CECR2: variants seen among roughly 807,000 people sequenced by gnomAD.
The protein encoded by CECR2 is chromatin remodeling regulator CECR2.
CECR2 carries 30 observed loss-of-function variants against 154.5 expected under a neutral mutation model. The ratio of observed to expected loss-of-function variants is 0.19; its 90% CI spans 0.15 to 0.26. The LOEUF (loss-of-function observed/expected upper bound fraction) is 0.26, where lower values mean the gene tolerates loss of function less well. Among genes scored for constraint, CECR2 ranks in the 10% least tolerant of loss-of-function variants. The probability of loss-of-function intolerance (pLI) is 1.00; values close to 1 mark genes in which losing one functional copy is unlikely to be tolerated. For synonymous variants in CECR2, 725 were observed against 683.7 expected, an observed-to-expected ratio of 1.06 and a Z score of -0.94; for missense variants, 1,743 against 1,829.3, an observed-to-expected ratio of 0.95 and a Z score of 0.86.
intron 1 of CECR2, among the ~76,000 whole-genome samples, chr22:17,472,257 G>A (rs977667207): frequency 2.3e-4 from 35 of 152,180 alleles, no homozygotes; most frequent in African/African-American, 8.4e-4. Context: ...ATTGGCATGG[G>A]GCATGCCTTT....
intron 1 of CECR2, among the ~76,000 whole-genome samples, chr22:17,400,493 G>T (rs1013435542): frequency 2.0e-5 from 3 of 151,998 alleles, no homozygotes; most frequent in African/African-American, 7.3e-5. Context: ...ATCCTTAGGA[G>T]GCTCTTGAGA....
chr22:17,523,294 G>A (rs1751233539), intron 8 of CECR2, among the ~76,000 whole-genome samples: 1 of 151,316 alleles, frequency 6.6e-6, no homozygotes, highest in Non-Finnish European at 1.5e-5. Flanking sequence ...TGAGGCGAGA[G>A]AATCACTTGA....
upstream of CECR2, among the ~76,000 whole-genome samples, chr22:17,365,400 A>T (rs7291808): frequency 0.01 from 1,559 of 152,228 alleles, 31 homozygotes; most frequent in African/African-American, 0.036. Flanking sequence ...CAATGTCATA[A>T]AAAAGGTGGT....
intron 2 of CECR2, among the ~76,000 whole-genome samples, chr22:17,495,398 G>C (rs1335715987): frequency 2.0e-5 from 3 of 152,000 alleles, no homozygotes; most frequent in East Asian, 3.9e-4. Context: ...GTGAAACCCT[G>C]TCTTTACTAA....
chr22:17,375,077 A>G (rs973296303), intron 1 of CECR2, among the ~76,000 whole-genome samples: 6 of 152,080 alleles, frequency 3.9e-5, no homozygotes, highest in South Asian at 2.1e-4. Flanking sequence ...ACTAAGTGCA[A>G]AGGGACAAAT....
chr22:17,365,082 G>A (rs999049291), upstream of CECR2, among the ~76,000 whole-genome samples: 39 of 152,034 alleles, frequency 2.6e-4, no homozygotes, highest in African/African-American at 9.4e-4. Context: ...AAACTAGCCA[G>A]GCGTGGTGGT....
chr22:17,487,373 T>A (rs1265719602), intron 2 of CECR2, among the ~76,000 whole-genome samples: 1 of 152,218 alleles, frequency 6.6e-6, no homozygotes, highest in Non-Finnish European at 1.5e-5. Context: ...TGAATCAAAC[T>A]GTGTTTTGAG....
rs1190219428 is a variant in CECR2 at position 17,540,591 on chromosome 22, G to T, written c.1675G>T (p.Asp559Tyr). The change falls in exon 14 of 19, where the codon GAC becomes TAC. Residue 559 changes from aspartate (D) to tyrosine (Y), a missense_variant. Asp to Tyr is a radical substitution (Grantham distance 160). Coordinates refer to ENST00000262608, the MANE Select transcript of CECR2 (RefSeq NM_001290047.2). ...GGSHVWTRSRDPEGSSRKQQP... is the reference protein window; with the variant it reads ...GGSHVWTRSRYPEGSSRKQQP... The stretch of plus-strand genomic sequence containing the variant: ...GAGCCATGTTTGGACCCGCTCCAGG[G>T]ACCCAGAAGGGTCCAGCAGGAAACA... 2.5e-6 allele frequency: 4 copies of T among 1,613,278 alleles called. No individual in the cohort carries two copies. The East Asian group carries it at 8.9e-5, about 36-fold the overall frequency.
intron 1 of CECR2, among the ~76,000 whole-genome samples, chr22:17,361,417 C>T (rs530556158): frequency 2.0e-5 from 3 of 150,822 alleles, no homozygotes; most frequent in South Asian, 2.1e-4. Flanking sequence ...ACCCTGGAGG[C>T]GGACGTTGCA....
chr22:17,449,376 C>T (rs1483379285), intron 1 of CECR2, among the ~76,000 whole-genome samples: 2 of 151,886 alleles, frequency 1.3e-5, no homozygotes, highest in Non-Finnish European at 2.9e-5. Context: ...GCTGTTCCAC[C>T]TGTCTGTACT....
Position 17,542,412 on chromosome 22 carries a change from A to G in CECR2, c.2269A>G (p.Ser757Gly), listed in dbSNP as rs780142096. 6.2e-7 allele frequency: 1 copy of G among 1,613,872 alleles called. No homozygotes were observed. Among genetic ancestry groups the G allele is most frequent in the South Asian group, 1.1e-5 (1 of 91,074 alleles). ...TCCTGAAAGCTCAGAAATTCCTCCC[A>G]GCCATATGTATCGATCGTACAAGTA... ...DFPESSEIPP[S>G]HMYRSYKYLN... The change falls in exon 16 of 19, where the codon AGC (serine) becomes GGC (glycine). Residue 757 changes from serine (S) to glycine (G), a missense_variant. Transcript: ENST00000262608.
chr22:17,428,501 C>CA lies in CECR2; in HGVS notation c.127-49087_127-49086insA, dbSNP rs2054365797. The CA allele has an allele frequency of 5.0e-5, 5 of 99,188 alleles. No individual in the cohort carries two copies. In the South Asian group the frequency reaches 1.5e-3, roughly 29 times the overall value. 6.1% of individuals were successfully genotyped at this position (99,188 alleles called of 1,614,324 possible). ...ACTGGAATATCTTCATAAAGAGAAA[C>CA]TTATCAAACATTTGGTTATCCTGGA... On this transcript the variant is annotated intron_variant, in intron 1 of 18. Transcript: ENST00000262608.
intron 1 of CECR2, among the ~76,000 whole-genome samples, chr22:17,424,952 C>G (rs559789148): frequency 6.1e-4 from 93 of 152,256 alleles, no homozygotes; most frequent in African/African-American, 2.2e-3. Flanking sequence ...ACAGAGAGGT[C>G]GAAGACAAGG....
rs548366813 is a variant in CECR2, at chr22:17,381,525, T to C, written c.126+11616T>C. On this transcript the variant is annotated intron_variant, in intron 1 of 18. Transcript: ENST00000262608. ...TTACCCCTGACTCCGCTTGGATTTC[T>C]GTAACATGCACATTTTTAAGGTTAA... 1.7e-4 allele frequency among the ~76,000 whole-genome samples: 26 copies of C among 152,334 alleles called. No homozygotes were observed. The South Asian group carries it at 4.1e-3, about 24-fold the overall frequency.
chr22:17,479,771 T>C (rs956311862), intron 2 of CECR2, among the ~76,000 whole-genome samples: 6 of 150,234 alleles, frequency 4.0e-5, no homozygotes, highest in African/African-American at 4.9e-5. Context: ...CTTTCTTTTT[T>C]TTTTTTTTTT....
Position 17,541,869 on chromosome 22 carries a change from C to G in CECR2, c.1915C>G (p.Leu639Val). 1.2e-6 allele frequency: 2 copies of G among 1,613,986 alleles called. No individual in the cohort carries two copies. The highest frequency in any genetic ancestry group is 4.5e-5 in the East Asian group (2 of 44,888). ...AGCAGTACCAGGAACATTTGGCCCTCTGCGAGGATCAGATCCTGCCACCTT... is the reference window on the plus strand; with the variant it reads ...AGCAGTACCAGGAACATTTGGCCCTGTGCGAGGATCAGATCCTGCCACCTT... Reference protein sequence around the residue: ...RPAVPGTFGPLRGSDPATLYG... With the variant: ...RPAVPGTFGPVRGSDPATLYG... The change falls in exon 15 of 19, where the codon CTG (leucine) becomes GTG (valine). Residue 639 changes from leucine to valine, a missense_variant. Physicochemically the swap from Leu to Val is conservative, Grantham distance 32 (BLOSUM62 1). Transcript: ENST00000262608.
chr22:17,466,654 G>C (rs1056034615), intron 1 of CECR2, among the ~76,000 whole-genome samples: 1 of 150,648 alleles, frequency 6.6e-6, no homozygotes, highest in Non-Finnish European at 1.5e-5. Context: ...GAGTGCAGTG[G>C]CACTATCTCA....
At chr22:17,535,832 G>A (rs1404388070) in intron 9 of CECR2, among the ~76,000 whole-genome samples, 1 of 152,144 alleles carries the variant, frequency 6.6e-6, no homozygotes, top group Non-Finnish European at 1.5e-5. Context: ...CATCACAAAT[G>A]AAAATAATTT....
upstream of CECR2, among the ~76,000 whole-genome samples, chr22:17,365,393 T>C (rs952172835): frequency 6.6e-6 from 1 of 151,984 alleles, no homozygotes; most frequent in Non-Finnish European, 1.5e-5. Flanking sequence ...AAAGAAACAA[T>C]GTCATAAAAA....
Sources: gnomAD v4.1 joint callset for allele counts (sites outside exome capture counted in the v4.1 genomes callset) on GRCh38, gnomAD v4.1.1 for gene constraint, MANE v1.5 for transcripts, NCBI Gene and HGNC (gene_info 2026-07-23, HGNC 2026-07-21) for gene names.